Variants in ABHD2 observed in about 807,000 individuals in gnomAD.
ABHD2 encodes monoacylglycerol lipase ABHD2.
Under a neutral mutation model 48.1 loss-of-function variants are expected in ABHD2, and 20 were observed. The ratio of observed to expected loss-of-function variants is 0.42; its 90% CI spans 0.29 to 0.60. The LOEUF is 0.60. Ranked by LOEUF, ABHD2 falls within the 20% of genes least tolerant of loss-of-function variation. The pLI is 0.24. For missense variants in ABHD2, 405 were observed against 550.9 expected (o/e 0.74, Z 2.65); for synonymous variants, 209 against 214.2 (o/e 0.98, Z 0.21).
intron 6 of ABHD2, chr15:89,183,378 AAAAAAAATATATATAT>A (rs1407892856): frequency 3.0e-4 from 18 of 59,550 alleles, no homozygotes; most frequent in African/African-American, 1.9e-3. Context: ...CAAAAAAAAA[AAAAAAAATATATATAT>A]ATATATATAT....
At position 89,201,470 on chromosome 15, in the gene ABHD2, A is replaced by C. The variant is rs1567119099; in HGVS notation, c.*6047A>C. 6.6e-6 allele frequency: 10 copies of C among 1,522,648 alleles called. No homozygotes were observed. Among genetic ancestry groups the C allele is most frequent in the Middle Eastern group, 1.7e-4 (1 of 5,808 alleles). The allele number at this position is 1,522,648 out of a possible 1,614,324, so 94.3% of individuals were successfully genotyped here. On this transcript the variant is annotated 3_prime_UTR_variant, in exon 11 of 11. Coordinates refer to ENST00000352732, the MANE Select transcript of ABHD2 (RefSeq NM_152924.5). ...AATTCATGAGGTTTTGCCTCATTCC[A>C]CACAGCTTCCATATCTGAAGTGTTT...
intron 3 of ABHD2, among the ~76,000 whole-genome samples, chr15:89,126,137 A>AC (rs2050127809): frequency 2.0e-5 from 3 of 152,238 alleles, no homozygotes; most frequent in Non-Finnish European, 1.5e-5. Flanking sequence ...AAAAAGGAGT[A>AC]TATGTCTTCC....
chr15:89,149,775 T>A (rs142394523), intron 3 of ABHD2, among the ~76,000 whole-genome samples: 4 of 152,222 alleles, frequency 2.6e-5, no homozygotes, highest in African/African-American at 9.6e-5. Context: ...CCTGGTAGTT[T>A]AGGTTTATTT....
At chr15:89,060,251 C>T in the ABHD2 span, among the ~76,000 whole-genome samples, 29,718 of 151,596 alleles carry the variant, frequency 0.2, 3,096 homozygotes, top group African/African-American at 0.22. Flanking sequence ...CAACCATGCC[C>T]GGCTAATTTT....
chr15:89,200,668 A>T lies in ABHD2; in HGVS notation c.*5245A>T. 1 of 203,560 alleles carries T rather than the reference A, an allele frequency of 4.9e-6. No individual in the cohort carries two copies. 12.6% of individuals were successfully genotyped at this position (203,560 alleles called of 1,614,324 possible). On this transcript the variant is annotated 3_prime_UTR_variant, in exon 11 of 11. Coordinates refer to ENST00000352732, the MANE Select transcript of ABHD2 (RefSeq NM_152924.5). Reference sequence around the variant, plus strand: ...GTATGACGCTGTACACACACAAAAAAATGGTCACCGCAGGCCATACTACCA... The same window carrying T: ...GTATGACGCTGTACACACACAAAAATATGGTCACCGCAGGCCATACTACCA...
At position 89,097,674 on chromosome 15, in the gene ABHD2, G is replaced by C. The variant is rs994104222; in HGVS notation, c.-107+9111G>C. Among the ~76,000 whole-genome samples, 3 of 152,066 alleles carry C rather than the reference G, an allele frequency of 2.0e-5. No homozygotes were observed. The highest frequency in any genetic ancestry group is 2.0e-4 in the Admixed American group (3 of 15,270). ...CATTCATGTGTTATAACATTCAAAA[G>C]GTACAACATAGTAAAGAGTGGAAAA... On this transcript the variant is annotated intron_variant, in intron 1 of 10. Transcript: ENST00000352732. The surrounding 1 kb of genome is among the most constrained non-coding windows in gnomAD (Gnocchi z 4.2).
At chr15:89,074,326 A>G in the ABHD2 span, among the ~76,000 whole-genome samples, 1 of 152,072 alleles carries the variant, frequency 6.6e-6, no homozygotes, top group Non-Finnish European at 1.5e-5. Context: ...CAGTGAGCAG[A>G]GATCATGACA....
In ABHD2 at chr15:89,121,146, A is replaced by T. The variant is rs553801134; in HGVS notation, c.194+4625A>T. Among the ~76,000 whole-genome samples the T allele has an allele frequency of 4.1e-4, 62 of 152,360 alleles. 1 individual carries two copies. In the South Asian group the frequency reaches 0.013, roughly 32 times the overall value. On this transcript the variant is annotated intron_variant, in intron 3 of 10. Transcript: ENST00000352732. ...GCTTTGAATTGAAATTTGAACTAGG[A>T]TGCAAACCTAGGTCTTCTACCTCTA...
intron 3 of ABHD2, chr15:89,135,421 A>T: frequency 1.6e-6 from 1 of 614,288 alleles, no homozygotes; most frequent in Non-Finnish European, 2.9e-6. Context: ...AAAAAAAGAC[A>T]TTGTACAGTT....
At chr15:89,122,146 C>G (rs1018926821) in intron 3 of ABHD2, among the ~76,000 whole-genome samples, 1 of 152,210 alleles carries the variant, frequency 6.6e-6, no homozygotes, top group Non-Finnish European at 1.5e-5. Context: ...AGCATCAGTT[C>G]TGAGATACTA....
At chr15:89,181,119 A>C (rs2051103977) in intron 6 of ABHD2, among the ~76,000 whole-genome samples, 1 of 147,498 alleles carries the variant, frequency 6.8e-6, no homozygotes, top group Non-Finnish European at 1.5e-5. Context: ...CCAGCTACTC[A>C]GGAGGCTGAG....
the ABHD2 span, among the ~76,000 whole-genome samples, chr15:89,065,572 G>C: frequency 2.0e-5 from 3 of 152,120 alleles, no homozygotes; most frequent in African/African-American, 7.2e-5. Context: ...ACATTACATT[G>C]TTTTAATGCA....
In ABHD2 at chr15:89,120,209, A is replaced by G. The variant is rs2050026914; in HGVS notation, c.194+3688A>G. Among the ~76,000 whole-genome samples the G allele has an allele frequency of 6.6e-6, 1 of 152,202 alleles. No individual in the cohort carries two copies. Among genetic ancestry groups the G allele is most frequent in the Non-Finnish European group, 1.5e-5 (1 of 68,040 alleles). On this transcript the variant is annotated intron_variant, in intron 3 of 10. Transcript: ENST00000352732. This position sits in a 1 kb window ranked among gnomAD's most constrained non-coding sequence, Gnocchi z 4.2. Reference sequence around the variant, plus strand: ...TTTACCCAAAGATACATTATAAATTAATCTTTTAATGTCTGGAGGAAAACT... The same window carrying G: ...TTTACCCAAAGATACATTATAAATTGATCTTTTAATGTCTGGAGGAAAACT...
rs2051068836 is a variant in ABHD2, at chr15:89,179,290, G to A, written c.722+3295G>A. ...GGAGGTGAGCGGTGGGCAGGTCACA[G>A]TGGGCAAAGCAGTAGGGAAGCAGTG... On this transcript the variant is annotated intron_variant, in intron 6 of 10. Coordinates refer to ENST00000352732, the MANE Select transcript of ABHD2 (RefSeq NM_152924.5). This position sits in a 1 kb window ranked among gnomAD's most constrained non-coding sequence, Gnocchi z 4.3. Among the ~76,000 whole-genome samples the A allele has an allele frequency of 6.6e-6, 1 of 152,212 alleles. No individual in the cohort carries two copies. Among genetic ancestry groups the A allele is most frequent in the South Asian group, 2.1e-4 (1 of 4,832 alleles).
rs147664514 is a variant in ABHD2, at chr15:89,093,493, A to G, written c.-107+4930A>G. 4.5e-3 allele frequency: 679 copies of G among 152,310 alleles called. 3 individuals are homozygous for G. The highest frequency in any genetic ancestry group is 6.7e-3 in the Middle Eastern group (2 of 298). 9.4% of individuals were successfully genotyped at this position (152,310 alleles called of 1,614,324 possible). ...GCCTCATTTCCAGCATCTCTGTTGC[A>G]TTTCATCCCGTCTCCTGCACCACAG... On this transcript the variant is annotated intron_variant, in intron 1 of 10. Transcript: ENST00000352732.
At chr15:89,061,278 C>T in the ABHD2 span, among the ~76,000 whole-genome samples, 4 of 150,536 alleles carry the variant, frequency 2.7e-5, no homozygotes, top group African/African-American at 7.3e-5. Flanking sequence ...ATTAGCCAGG[C>T]GTGGTGGCAT....
At chr15:89,057,771 G>GA in the ABHD2 span, among the ~76,000 whole-genome samples, 113 of 137,482 alleles carry the variant, frequency 8.2e-4, no homozygotes, top group East Asian at 2.9e-3. Flanking sequence ...AAGAAGGAAT[G>GA]AAAAAAAAAA....
At chr15:89,133,946 C>G (rs1176395726) in intron 3 of ABHD2, among the ~76,000 whole-genome samples, 2 of 150,638 alleles carry the variant, frequency 1.3e-5, no homozygotes, top group Admixed American at 1.3e-4. Context: ...ACACCATTCT[C>G]CTGCCTCAGC....
rs191026433 is a variant in ABHD2, at chr15:89,175,357, G to A, written c.539-455G>A. Among the ~76,000 whole-genome samples the A allele has an allele frequency of 1.5e-4, 23 of 152,138 alleles. No homozygotes were observed. Among genetic ancestry groups the A allele is most frequent in the African/African-American group, 3.9e-4 (16 of 41,508 alleles). ...CTCTTGCCTCAGCCTCCTAAGTAGC[G>A]GGGACTACAAGGACACACCTGTAGT... On this transcript the variant is annotated intron_variant, in intron 5 of 10. Coordinates refer to ENST00000352732, the MANE Select transcript of ABHD2 (RefSeq NM_152924.5). This position sits in a 1 kb window ranked among gnomAD's most constrained non-coding sequence, Gnocchi z 5.7.
Sources: gnomAD v4.1 joint callset for allele counts (sites outside exome capture counted in the v4.1 genomes callset) on GRCh38, gnomAD v4.1.1 for gene constraint, Gnocchi (gnomAD v3.1) non-coding constraint, MANE v1.5 for transcripts, NCBI Gene and HGNC (gene_info 2026-07-23, HGNC 2026-07-21) for gene names.